CC2D2B: variants seen among roughly 807,000 people sequenced by gnomAD.
The protein encoded by CC2D2B is coiled-coil and C2 domain containing 2B.
A neutral mutation model predicts 161.2 loss-of-function variants in CC2D2B; 128 were observed. That is an observed-to-expected ratio of 0.79 (90% CI 0.69 to 0.92). The LOEUF (loss-of-function observed/expected upper bound fraction) is 0.92. CC2D2B is among the 40% of genes least tolerant of loss of function. CC2D2B has a pLI of 0.00. For missense variants in CC2D2B, 1,173 were observed against 1,375.1 expected, an observed-to-expected ratio of 0.85 and a Z score of 2.32; for synonymous variants, 391 against 449.8, an observed-to-expected ratio of 0.87 and a Z score of 1.65.
intron 32 of CC2D2B, among the ~76,000 whole-genome samples, chr10:96,021,886 G>A (rs1184494300): frequency 6.6e-6 from 1 of 152,206 alleles, no homozygotes; most frequent in East Asian, 1.9e-4. Context: ...GATGTAGCTA[G>A]GTGGTAGGTA....
intron 34 of CC2D2B, 111 bp downstream of exon 34, chr10:96,027,500 G>T (rs1331884660): frequency 1.4e-6 from 1 of 722,018 alleles, no homozygotes; most frequent in African/African-American, 1.8e-5. Flanking sequence ...GATCCTTAAA[G>T]ATAGATGCTA....
chr10:95,956,198 G>C (rs912242307), intron 11 of CC2D2B, among the ~76,000 whole-genome samples: 18 of 152,144 alleles, frequency 1.2e-4, no homozygotes, highest in African/African-American at 4.1e-4. Context: ...TTCTGAAAGA[G>C]CACAATTTTA....
chr10:96,024,155 C>T (rs144960226), intron 32 of CC2D2B, among the ~76,000 whole-genome samples: 7 of 152,286 alleles, frequency 4.6e-5, no homozygotes, highest in African/African-American at 1.7e-4. Flanking sequence ...AAATCCTGCC[C>T]AGGAAGGGAA....
At chr10:95,927,992 C>T (rs896257848) in intron 6 of CC2D2B, among the ~76,000 whole-genome samples, 1 of 152,082 alleles carries the variant, frequency 6.6e-6, no homozygotes, top group Non-Finnish European at 1.5e-5. Context: ...GTGTACCTTC[C>T]AGTCTCCCTA....
At chr10:96,000,228 T>G in intron 24 of CC2D2B, 1 of 1,255,138 alleles carries the variant, frequency 8.0e-7, no homozygotes, top group South Asian at 2.9e-5. Context: ...CTTTCTTCTT[T>G]TCCTTTGCGT....
intron 19 of CC2D2B, among the ~76,000 whole-genome samples, chr10:95,986,636 G>A (rs193262091): frequency 1.3e-3 from 203 of 152,072 alleles, no homozygotes; most frequent in African/African-American, 4.2e-3. Context: ...TCACTTTGTC[G>A]CACAGGCTGG....
intron 3 of CC2D2B, 141 bp downstream of exon 3, chr10:95,922,217 TA>T (rs2098528759): frequency 2.1e-6 from 1 of 479,018 alleles, no homozygotes. Flanking sequence ...ACTTCCTAAA[TA>T]AAACAAGATG....
intron 6 of CC2D2B, among the ~76,000 whole-genome samples, chr10:95,937,103 T>A (rs2075851355): frequency 6.6e-6 from 1 of 152,250 alleles, no homozygotes; most frequent in African/African-American, 2.4e-5. Flanking sequence ...TATGATGATA[T>A]GATTTTATAT....
At chr10:95,992,505 A>G in intron 21 of CC2D2B, 22 bp from the exon 22 acceptor site, 1 of 1,233,860 alleles carries the variant, frequency 8.1e-7, no homozygotes, top group Non-Finnish European at 1.0e-6. Flanking sequence ...AATGAGGCTA[A>G]TGATCATTTT....
intron 32 of CC2D2B, chr10:96,021,037 C>T (rs2079433027): frequency 6.6e-6 from 1 of 152,086 alleles, no homozygotes; most frequent in Non-Finnish European, 1.5e-5. Context: ...AAGACCTTTT[C>T]TCTAAGATAA....
Position 96,000,201 on chromosome 10 carries a change from G to A in CC2D2B, c.2849+3949G>A, listed in dbSNP as rs534688126. 26 of 1,374,540 alleles carry A rather than the reference G, an allele frequency of 1.9e-5. 1 individual carries two copies. In the South Asian group the frequency reaches 4.7e-4, roughly 25 times the overall value. 85.1% of individuals were successfully genotyped at this position (1,374,540 alleles called of 1,614,324 possible). On this transcript the variant is annotated intron_variant, in intron 24 of 34. Coordinates refer to ENST00000646931, the MANE Select transcript of CC2D2B (RefSeq NM_001349008.3). ...CTCCATGTTTTCTAAAAGGCCTAGA[G>A]AACATACATCAGGTGCCTTTCTTCT...
chr10:95,913,637 T>G (rs1478206932), intron 2 of CC2D2B, among the ~76,000 whole-genome samples: 2 of 152,212 alleles, frequency 1.3e-5, no homozygotes, highest in Non-Finnish European at 2.9e-5. Flanking sequence ...CATTATTGCC[T>G]GTCTTTTGGT....
chr10:96,025,157 ATAT>A (rs1564683581), intron 33 of CC2D2B, among the ~76,000 whole-genome samples: 1,249 of 30,896 alleles, frequency 0.04, 118 homozygotes, highest in East Asian at 0.36. Context: ...AAAAAAAAAT[ATAT>A]ATATATATAT....
intron 6 of CC2D2B, among the ~76,000 whole-genome samples, chr10:95,928,373 C>G (rs1315887274): frequency 1.3e-5 from 2 of 151,992 alleles, no homozygotes; most frequent in Admixed American, 1.3e-4. Flanking sequence ...TTTTTTCATA[C>G]TTTTCTCTAT....
chr10:95,931,302 G>GTCTA (rs2098549671), intron 6 of CC2D2B, among the ~76,000 whole-genome samples: 1 of 151,546 alleles, frequency 6.6e-6, no homozygotes, highest in Admixed American at 6.6e-5. Flanking sequence ...CTGGCTAGTG[G>GTCTA]TCTATTTTGT....
intron 32 of CC2D2B, chr10:96,020,533 T>C (rs1431877048): frequency 6.6e-6 from 1 of 152,356 alleles, no homozygotes; most frequent in East Asian, 1.9e-4. Context: ...AACAGCTGTT[T>C]CTGGATTGAG....
intron 5 of CC2D2B, among the ~76,000 whole-genome samples, chr10:95,925,519 G>T (rs1424545043): frequency 6.6e-6 from 1 of 152,134 alleles, no homozygotes; most frequent in Admixed American, 6.5e-5. Context: ...TTAATTTAAT[G>T]TGTAATCAAT....
intron 30 of CC2D2B, among the ~76,000 whole-genome samples, chr10:96,017,003 C>G (rs1227085336): frequency 2.0e-5 from 3 of 152,218 alleles, no homozygotes; most frequent in African/African-American, 7.2e-5. Context: ...CAGGCATGAG[C>G]CACTGTGCCC....
At chr10:96,025,164 T>TATATATATAAAAAAAAAA (rs1564683680) in intron 33 of CC2D2B, among the ~76,000 whole-genome samples, 4 of 7,564 alleles carry the variant, frequency 5.3e-4, no homozygotes, top group Non-Finnish European at 8.9e-4. Flanking sequence ...AATATATATA[T>TATATATATAAAAAAAAAA]ATATATATAT....
Sources: allele counts gnomAD v4.1 joint callset (sites outside exome capture counted in the v4.1 genomes callset), GRCh38; gene constraint gnomAD v4.1.1; transcripts MANE v1.5; gene names NCBI Gene and HGNC (gene_info 2026-07-23, HGNC 2026-07-21).